Variants in SCUBE2 observed in about 807,000 individuals in gnomAD.
SCUBE2 encodes the protein signal peptide, CUB domain and EGF like domain containing 2.
In SCUBE2, 114 loss-of-function variants were observed where a neutral mutation model predicts 125.9. The observed-to-expected ratio is 0.91, with a 90% CI of 0.78 to 1.06. SCUBE2 has a LOEUF of 1.06. Among genes scored for constraint, SCUBE2 ranks in the 50% least tolerant of loss-of-function variants. The pLI is 0.00. For missense variants in SCUBE2, 1,255 were observed against 1,301.8 expected, an observed-to-expected ratio of 0.96 and a Z score of 0.55; for synonymous variants, 459 against 492.9, an observed-to-expected ratio of 0.93 and a Z score of 0.91.
At chr11:9,043,184 C>T (rs1244411275) in intron 16 of SCUBE2, among the ~76,000 whole-genome samples, 1 of 152,136 alleles carries the variant, frequency 6.6e-6, no homozygotes, top group East Asian at 1.9e-4. Flanking sequence ...CCCAGTTTGC[C>T]AGTTGTCTGG....
At chr11:9,040,495 G>T (rs1419651906) in intron 16 of SCUBE2, among the ~76,000 whole-genome samples, 4 of 108,582 alleles carry the variant, frequency 3.7e-5, no homozygotes, top group African/African-American at 1.3e-4. Context: ...AGGGTACACA[G>T]CGTGGGTACG....
chr11:9,091,477 G>GCAGCAGCAC lies in SCUBE2; in HGVS notation c.43_51dup (p.Val15_Leu17dup). ...AGCAGTGGCGGCAGCAGCAGCAGCA[G>GCAGCAGCAC]CAGCAGCACCGCCCAGGCCGCCCCG... On this transcript the variant is annotated inframe_insertion, in exon 1 of 23. Transcript: ENST00000649792. This position sits in a 1 kb window ranked among gnomAD's most constrained non-coding sequence, Gnocchi z 8.5. 7.9e-7 allele frequency: 1 copy of GCAGCAGCAC among 1,270,092 alleles called. No homozygotes were observed. Among genetic ancestry groups the GCAGCAGCAC allele is most frequent in the Non-Finnish European group, 1.0e-6 (1 of 985,654 alleles). The allele number at this position is 1,270,092 out of a possible 1,614,324, so 78.7% of individuals were successfully genotyped here.
At position 9,065,978 on chromosome 11, in the gene SCUBE2, G is replaced by A. The variant is rs760063339; in HGVS notation, c.763C>T (p.Arg255Ter). Residue 255 changes from arginine (R) to a stop codon, truncating the protein, a stop_gained and splice_region_variant, in exon 7 of 23, where the codon CGA becomes TGA. Transcript: ENST00000649792. LOFTEE classifies it high-confidence loss of function. ...MHTDGRSCLE[R>*]EDTVLEVTES... ...GTCACCTCCAGGACAGTGTCCTCTC[G>A]CTCTACAAGAGAAGCAAAAGAGCAC... 38 of 1,612,146 alleles carry A rather than the reference G, an allele frequency of 2.4e-5. No homozygotes were observed. Among genetic ancestry groups the A allele is most frequent in the Admixed American group, 1.7e-4 (10 of 59,978 alleles).
Position 9,020,980 on chromosome 11 carries a change from G to A in SCUBE2, c.*65C>T. ...TACCCGACTGTGCTGACATGCAGAAGGAAGACAGCTCTGTCCCACCAACCC... is the reference window on the plus strand; with the variant it reads ...TACCCGACTGTGCTGACATGCAGAAAGAAGACAGCTCTGTCCCACCAACCC... On this transcript the variant is annotated 3_prime_UTR_variant, in exon 23 of 23. Transcript: ENST00000649792. 1 of 1,451,472 alleles carries A rather than the reference G, an allele frequency of 6.9e-7. No homozygotes were observed. Among genetic ancestry groups the A allele is most frequent in the East Asian group, 2.4e-5 (1 of 40,830 alleles). 89.9% of individuals were successfully genotyped at this position (1,451,472 alleles called of 1,614,324 possible).
At chr11:9,021,656 A>C (rs959109550) in intron 22 of SCUBE2, among the ~76,000 whole-genome samples, 2 of 152,214 alleles carry the variant, frequency 1.3e-5, no homozygotes, top group Admixed American at 1.3e-4. Flanking sequence ...GCCCCTCCAC[A>C]AGTTTCCAAA....
intron 2 of SCUBE2, among the ~76,000 whole-genome samples, chr11:9,082,110 G>A (rs2135938282): frequency 6.6e-6 from 1 of 152,210 alleles, no homozygotes; most frequent in Middle Eastern, 3.4e-3. Context: ...CTTTTCATGG[G>A]CTTATTGTCC....
chr11:9,043,016 C>T (rs987331356), intron 16 of SCUBE2, among the ~76,000 whole-genome samples: 2 of 152,182 alleles, frequency 1.3e-5, no homozygotes, highest in African/African-American at 4.8e-5. Flanking sequence ...GACCTGGACA[C>T]TTCCCGAGTA....
At chr11:9,036,946 A>C (rs1856795497) in intron 16 of SCUBE2, among the ~76,000 whole-genome samples, 1 of 152,218 alleles carries the variant, frequency 6.6e-6, no homozygotes, top group Non-Finnish European at 1.5e-5. Flanking sequence ...GGCCTGCTTC[A>C]CATAAACAAA....
chr11:9,033,597 G>A (rs1274877525), intron 17 of SCUBE2, 29 bp downstream of exon 17: 1 of 1,605,350 alleles, frequency 6.2e-7, no homozygotes, highest in Admixed American at 1.7e-5. Context: ...GAGATGGGAG[G>A]AGTAGGAAGG....
intron 19 of SCUBE2, among the ~76,000 whole-genome samples, chr11:9,029,458 C>T (rs1483669915): frequency 1.3e-5 from 2 of 152,226 alleles, no homozygotes; most frequent in Non-Finnish European, 2.9e-5. Context: ...CCTCATCTCT[C>T]GAGACAGAGT....
In SCUBE2 at chr11:9,065,977, C is replaced by A. The variant is rs138805489; in HGVS notation, c.764G>T (p.Arg255Leu). The part of the protein sequence containing the change: ...MHTDGRSCLE[R>L]EDTVLEVTES... ...TGTCACCTCCAGGACAGTGTCCTCTCGCTCTACAAGAGAAGCAAAAGAGCA... is the reference window on the plus strand; with the variant it reads ...TGTCACCTCCAGGACAGTGTCCTCTAGCTCTACAAGAGAAGCAAAAGAGCA... The change falls in exon 7 of 23, where the codon CGA becomes CTA. Residue 255 changes from arginine (R) to leucine (L), a missense_variant. By Grantham distance (102) the Arg-to-Leu change is moderately radical (BLOSUM62 -2). Transcript: ENST00000649792. 1 of 1,612,936 alleles carries A rather than the reference C, an allele frequency of 6.2e-7. No homozygotes were observed. Among genetic ancestry groups the A allele is most frequent in the East Asian group, 2.2e-5 (1 of 44,882 alleles).
chr11:9,041,262 A>ATGTGTG (rs61340479), intron 16 of SCUBE2, among the ~76,000 whole-genome samples: 1 of 152,094 alleles, frequency 6.6e-6, no homozygotes, highest in Non-Finnish European at 1.5e-5. Context: ...GGGAGAGAGA[A>ATGTGTG]TGTGTGTGTG....
intron 6 of SCUBE2, 47 bp from the exon 7 acceptor site, chr11:9,066,027 ATTG>A: frequency 7.6e-7 from 1 of 1,319,188 alleles, no homozygotes; most frequent in Non-Finnish European, 1.1e-6. Flanking sequence ...AATGAGTTAG[ATTG>A]CTCATCCCCA....
At chr11:9,084,415 C>T (rs1861896235) in intron 2 of SCUBE2, among the ~76,000 whole-genome samples, 1 of 152,090 alleles carries the variant, frequency 6.6e-6, no homozygotes, top group Non-Finnish European at 1.5e-5. Context: ...ACAGTAATAA[C>T]TATTGCAGGC....
intron 16 of SCUBE2, among the ~76,000 whole-genome samples, chr11:9,041,809 TG>T (rs1857271485): frequency 6.6e-6 from 1 of 152,122 alleles, no homozygotes; most frequent in African/African-American, 2.4e-5. Flanking sequence ...ATGGAGGGTT[TG>T]TTTGGTTTTT....
At position 9,055,925 on chromosome 11, in the gene SCUBE2, G is replaced by A; in HGVS notation, c.1091-16C>T. ...TCATCCACATCTGTAATGGTCAAAG[G>A]GAGAGGGGAGCTGAAACCCACTCTG... is the stretch of plus-strand genomic sequence containing the variant. On this transcript the variant is annotated splice_polypyrimidine_tract_variant and intron_variant, in intron 9 of 22. Transcript: ENST00000649792. The A allele has an allele frequency of 6.2e-7, 1 of 1,605,354 alleles. No homozygotes were observed. The highest frequency in any genetic ancestry group is 8.5e-7 in the Non-Finnish European group (1 of 1,172,034).
chr11:9,065,549 C>A (rs1564834849), intron 7 of SCUBE2, among the ~76,000 whole-genome samples: 1 of 152,078 alleles, frequency 6.6e-6, no homozygotes, highest in Admixed American at 6.5e-5. Flanking sequence ...TGAAAATGGG[C>A]GAATACCCTG....
intron 7 of SCUBE2, among the ~76,000 whole-genome samples, chr11:9,060,931 G>T (rs1431572687): frequency 2.0e-5 from 3 of 152,172 alleles, no homozygotes; most frequent in Admixed American, 2.0e-4. Flanking sequence ...TGAGTAATGG[G>T]CAAAGCAAGA....
chr11:9,085,946 CCT>C (rs1411262847), intron 2 of SCUBE2, among the ~76,000 whole-genome samples: 1 of 152,012 alleles, frequency 6.6e-6, no homozygotes, highest in Non-Finnish European at 1.5e-5. Context: ...GATCCTCCCA[CCT>C]CAGCCTCTGG....
Sources: allele counts gnomAD v4.1 joint callset (sites outside exome capture counted in the v4.1 genomes callset), GRCh38; gene constraint gnomAD v4.1.1; non-coding constraint Gnocchi (gnomAD v3.1); transcripts MANE v1.5; gene names NCBI Gene and HGNC (gene_info 2026-07-23, HGNC 2026-07-21).